The following AGBL4 variants were observed in gnomAD, a reference collection of about 807,000 sequenced individuals.
AGBL4 encodes the protein cytosolic carboxypeptidase 6.
Under a neutral mutation model 66.4 loss-of-function variants are expected in AGBL4, and 58 were observed. The observed-to-expected ratio is 0.87, with a 90% CI of 0.71 to 1.09. AGBL4 has a LOEUF of 1.09. AGBL4 is among the 50% of genes least tolerant of loss of function. The pLI is 0.00. For missense variants in AGBL4, 579 were observed against 631.0 expected (o/e 0.92, Z 0.88); for synonymous variants, 234 against 222.9 (o/e 1.05, Z -0.44).
chr1:49,386,567 T>G (rs1171095906), intron 3 of AGBL4, among the ~76,000 whole-genome samples: 3 of 151,978 alleles, frequency 2.0e-5, no homozygotes, highest in African/African-American at 7.2e-5. Flanking sequence ...TTAGTGTTAA[T>G]TTTTAAAAAC....
chr1:49,052,249 G>C (rs1430198156), intron 4 of AGBL4, among the ~76,000 whole-genome samples: 1 of 152,082 alleles, frequency 6.6e-6, no homozygotes, highest in Non-Finnish European at 1.5e-5. Flanking sequence ...CCTGGTCATG[G>C]ACAGCAACAA....
chr1:49,544,273 T>C lies in AGBL4; in HGVS notation c.282+153040A>G, dbSNP rs114169352. Among the ~76,000 whole-genome samples the C allele has an allele frequency of 9.3e-3, 1,423 of 152,304 alleles. 17 individuals carry two copies. Among genetic ancestry groups the C allele is most frequent in the African/African-American group, 0.033 (1,353 of 41,550 alleles). On this transcript the variant is annotated intron_variant, in intron 3 of 13. Coordinates refer to ENST00000371839, the MANE Select transcript of AGBL4 (RefSeq NM_032785.4). ...AACCCACCTGTTGTATGGGTAACAA[T>C]GTATCTGCCTCATGTAAGCAGAAGC...
Position 49,851,408 on chromosome 1 carries a change from A to G in AGBL4, c.145T>C (p.Cys49Arg), listed in dbSNP as rs1646300844. Residue 49 changes from cysteine (C) to arginine (R), a missense_variant, in exon 2 of 14, where the codon TGC becomes CGC. Coordinates refer to ENST00000371839, the MANE Select transcript of AGBL4 (RefSeq NM_032785.4). Reference sequence around the variant, plus strand: ...TTAATATACTTACCACTTTCAAAGCAAGCATCAAAGATAAGATGTCCTTTC... The same window carrying G: ...TTAATATACTTACCACTTTCAAAGCGAGCATCAAAGATAAGATGTCCTTTC... ...PKKGHLIFDA[C>R]FESGNLGRVD... 1 of 1,548,876 alleles carries G rather than the reference A, an allele frequency of 6.5e-7. No homozygotes were observed. The highest frequency in any genetic ancestry group is 8.7e-7 in the Non-Finnish European group (1 of 1,145,678).
At chr1:49,047,457 C>T (rs1035570623) in intron 4 of AGBL4, among the ~76,000 whole-genome samples, 5 of 152,106 alleles carry the variant, frequency 3.3e-5, no homozygotes, top group Non-Finnish European at 7.4e-5. Context: ...CCCATAAATA[C>T]ATAAATAACA....
At chr1:49,706,277 G>A (rs991790368) in intron 2 of AGBL4, among the ~76,000 whole-genome samples, 1 of 152,058 alleles carries the variant, frequency 6.6e-6, no homozygotes, top group African/African-American at 2.4e-5. Flanking sequence ...TTTAGTCTTG[G>A]GAGGGTGTTG....
At chr1:49,336,319 A>ATCTATTTAGACTTTTGT (rs1645436731) in intron 3 of AGBL4, among the ~76,000 whole-genome samples, 1 of 152,210 alleles carries the variant, frequency 6.6e-6, no homozygotes, top group African/African-American at 2.4e-5. Context: ...AGTGAATTCC[A>ATCTATTTAGACTTTTGT]TCTATTTAGA....
intron 2 of AGBL4, among the ~76,000 whole-genome samples, chr1:49,783,869 TA>T (rs1211632191): frequency 6.6e-6 from 1 of 152,110 alleles, no homozygotes; most frequent in East Asian, 1.9e-4. Flanking sequence ...ATGAATAATT[TA>T]AAATTGAAAA....
At chr1:48,730,486 T>A (rs980586931) in intron 6 of AGBL4, among the ~76,000 whole-genome samples, 1 of 151,914 alleles carries the variant, frequency 6.6e-6, no homozygotes, top group African/African-American at 2.4e-5. Flanking sequence ...TAATGGCAGG[T>A]AAAGTGGCAA....
chr1:48,753,164 T>C (rs1652021710), intron 6 of AGBL4, among the ~76,000 whole-genome samples: 4 of 152,224 alleles, frequency 2.6e-5, no homozygotes, highest in Admixed American at 2.6e-4. Flanking sequence ...AATTTGAATT[T>C]GGAAGAGCTG....
chr1:48,690,521 A>G (rs1424650182), intron 6 of AGBL4, among the ~76,000 whole-genome samples: 4 of 152,154 alleles, frequency 2.6e-5, no homozygotes, highest in Admixed American at 2.6e-4. Context: ...AGATGAGAAA[A>G]CAGATTGCTA....
chr1:49,485,249 T>C (rs1570836589), intron 3 of AGBL4, among the ~76,000 whole-genome samples: 1 of 151,774 alleles, frequency 6.6e-6, no homozygotes, highest in East Asian at 1.9e-4. Flanking sequence ...AAATATGGCA[T>C]ATATACACCA....
At chr1:49,522,279 T>C (rs1440082860) in intron 3 of AGBL4, among the ~76,000 whole-genome samples, 1 of 152,130 alleles carries the variant, frequency 6.6e-6, no homozygotes, top group Non-Finnish European at 1.5e-5. Flanking sequence ...AGTTTTCTTA[T>C]GAGTAGGTGG....
chr1:48,759,582 A>G (rs1644144744), intron 6 of AGBL4, among the ~76,000 whole-genome samples: 1 of 152,202 alleles, frequency 6.6e-6, no homozygotes, highest in Non-Finnish European at 1.5e-5. Flanking sequence ...TGCATATACC[A>G]TGACCACCCT....
intron 5 of AGBL4, among the ~76,000 whole-genome samples, chr1:49,044,469 C>T (rs1373945071): frequency 6.6e-6 from 1 of 151,568 alleles, no homozygotes; most frequent in East Asian, 1.9e-4. Flanking sequence ...GCACTCCAGC[C>T]TGGGTGACAG....
intron 6 of AGBL4, among the ~76,000 whole-genome samples, chr1:48,846,385 G>GAAATAAAT (rs1469594787): frequency 6.7e-6 from 1 of 148,910 alleles, no homozygotes; most frequent in Admixed American, 6.7e-5. Flanking sequence ...AAGAAAGAAA[G>GAAATAAAT]AAAGAAAGAA....
intron 6 of AGBL4, among the ~76,000 whole-genome samples, chr1:48,772,482 G>A (rs960405201): frequency 5.9e-5 from 9 of 152,258 alleles, no homozygotes; most frequent in South Asian, 2.1e-4. Context: ...AAAGGAGTGC[G>A]AGAGAGTGTG....
At chr1:48,980,028 C>T (rs377129737) in intron 5 of AGBL4, among the ~76,000 whole-genome samples, 1 of 152,238 alleles carries the variant, frequency 6.6e-6, no homozygotes, top group East Asian at 1.9e-4. Flanking sequence ...TAGATGCTTA[C>T]TCAGGAAGGT....
chr1:49,445,635 T>A (rs1159668832), intron 3 of AGBL4, among the ~76,000 whole-genome samples: 1 of 152,144 alleles, frequency 6.6e-6, no homozygotes, highest in Non-Finnish European at 1.5e-5. Flanking sequence ...TTTTGTCTTA[T>A]CTAGTCTACT....
intron 3 of AGBL4, among the ~76,000 whole-genome samples, chr1:49,585,560 A>G (rs1006679373): frequency 1.3e-5 from 2 of 152,136 alleles, no homozygotes; most frequent in African/African-American, 4.8e-5. Flanking sequence ...TGAGCTTAGA[A>G]GAGGATTCTT....
Sources: allele counts gnomAD v4.1 joint callset (sites outside exome capture counted in the v4.1 genomes callset), GRCh38; gene constraint gnomAD v4.1.1; transcripts MANE v1.5; gene names NCBI Gene and HGNC (gene_info 2026-07-23, HGNC 2026-07-21).